CRTC3: variants seen among roughly 807,000 people sequenced by gnomAD.
CRTC3 encodes CREB regulated transcription coactivator 3.
A neutral mutation model predicts 74.5 loss-of-function variants in CRTC3; 26 were observed. That is an observed-to-expected ratio of 0.35 (90% CI 0.26 to 0.48). The LOEUF (loss-of-function observed/expected upper bound fraction) is 0.48. Ranked by LOEUF, CRTC3 falls within the 20% of genes least tolerant of loss-of-function variation. CRTC3 has a pLI of 0.99. For missense variants in CRTC3, 760 were observed against 787.3 expected (o/e 0.97, Z 0.41); for synonymous variants, 377 against 325.8 (o/e 1.16, Z -1.69).
intron 2 of CRTC3, among the ~76,000 whole-genome samples, chr15:90,566,069 TA>T (rs1467908489): frequency 1.3e-5 from 2 of 152,198 alleles, no homozygotes; most frequent in African/African-American, 4.8e-5. Context: ...GAAACAGCCT[TA>T]TTTGCTCATA....
chr15:90,548,212 C>T (rs913149047), intron 2 of CRTC3, among the ~76,000 whole-genome samples: 2 of 152,160 alleles, frequency 1.3e-5, no homozygotes, highest in Non-Finnish European at 2.9e-5. Context: ...ATAACCTACC[C>T]TAGTCCTTTC....
chr15:90,602,240 T>A, intron 3 of CRTC3, 84 bp from the exon 4 acceptor site: 1 of 810,444 alleles, frequency 1.2e-6, no homozygotes, highest in South Asian at 1.5e-5. Context: ...AAAAACTCAG[T>A]TGTTTAACTC....
chr15:90,573,267 A>G (rs1967320037), intron 2 of CRTC3, among the ~76,000 whole-genome samples: 1 of 152,214 alleles, frequency 6.6e-6, no homozygotes, highest in Admixed American at 6.5e-5. Context: ...CAGGAGGTGG[A>G]CATCATTGTG....
At chr15:90,598,456 A>C in intron 3 of CRTC3, 1 of 702,982 alleles carries the variant, frequency 1.4e-6, no homozygotes, top group South Asian at 1.5e-5. Flanking sequence ...ACAGGTTGAG[A>C]GGAACAGCAG....
At chr15:90,563,383 G>A (rs541480133) in intron 2 of CRTC3, among the ~76,000 whole-genome samples, 1 of 152,094 alleles carries the variant, frequency 6.6e-6, no homozygotes, top group African/African-American at 2.4e-5. Flanking sequence ...TCTAGCCTGG[G>A]CAACAGAGTG....
Position 90,530,339 on chromosome 15 carries a change from G to A in CRTC3, c.132+136G>A. 1 of 374,804 alleles carries A rather than the reference G, an allele frequency of 2.7e-6. No individual in the cohort carries two copies. The highest frequency in any genetic ancestry group is 1.0e-4 in the South Asian group (1 of 9,572). The allele number at this position is 374,804 out of a possible 1,614,324, so 23.2% of individuals were successfully genotyped here. On this transcript the variant is annotated intron_variant, in intron 1 of 14. Transcript: ENST00000268184. The surrounding 1 kb of genome is among the most constrained non-coding windows in gnomAD (Gnocchi z 6.2). ...GCCCGGGAACCGGCGGCTGGGAGGG[G>A]GACCGGAGCGGCCGCGGCCTCGGCG...
At chr15:90,640,872 C>CCA (rs1969413489) in intron 13 of CRTC3, among the ~76,000 whole-genome samples, 1 of 152,088 alleles carries the variant, frequency 6.6e-6, no homozygotes, top group South Asian at 2.1e-4. Flanking sequence ...GGAAAAGTCA[C>CCA]CACGCTGTGG....
chr15:90,626,049 C>G, intron 10 of CRTC3, 56 bp downstream of exon 10: 1 of 1,318,956 alleles, frequency 7.6e-7, no homozygotes, highest in Non-Finnish European at 1.1e-6. Context: ...TGGTCCCCAC[C>G]CATGTGGCCT....
At chr15:90,629,807 T>G (rs975353998) in intron 11 of CRTC3, among the ~76,000 whole-genome samples, 1 of 152,186 alleles carries the variant, frequency 6.6e-6, no homozygotes, top group Non-Finnish European at 1.5e-5. Flanking sequence ...CACTGCAGCC[T>G]CACCTCCCGG....
At chr15:90,579,776 G>A (rs1254233849) in intron 2 of CRTC3, among the ~76,000 whole-genome samples, 1 of 151,318 alleles carries the variant, frequency 6.6e-6, no homozygotes, top group African/African-American at 2.4e-5. Flanking sequence ...CCAGTAGCTG[G>A]GAGCACAGGC....
intron 5 of CRTC3, among the ~76,000 whole-genome samples, chr15:90,605,848 A>C (rs1968204140): frequency 6.6e-6 from 1 of 152,238 alleles, no homozygotes; most frequent in African/African-American, 2.4e-5. Context: ...ATAAATAGAT[A>C]ATCATCTCTT....
At chr15:90,637,387 C>T (rs1273355372) in intron 11 of CRTC3, among the ~76,000 whole-genome samples, 2 of 152,060 alleles carry the variant, frequency 1.3e-5, no homozygotes, top group African/African-American at 4.8e-5. Context: ...GGGAACATCA[C>T]ACACCGGGGC....
intron 3 of CRTC3, among the ~76,000 whole-genome samples, chr15:90,597,322 G>A (rs1967952347): frequency 6.6e-6 from 1 of 152,102 alleles, no homozygotes; most frequent in South Asian, 2.1e-4. Context: ...TAAATTTATA[G>A]CAAATAAAAT....
rs181215483 is a variant in CRTC3 at position 90,550,002 on chromosome 15, C to A, written c.231+9865C>A. Among the ~76,000 whole-genome samples the A allele has an allele frequency of 9.2e-5, 14 of 151,474 alleles. No homozygotes were observed. The East Asian group carries it at 2.8e-3, about 30-fold the overall frequency. On this transcript the variant is annotated intron_variant, in intron 2 of 14. Coordinates refer to ENST00000268184, the MANE Select transcript of CRTC3 (RefSeq NM_022769.5). ...TACAGGCGTGAGCCACCACACCTGGCCCCATTCACTTCTTTTAAAAAAGTT... is the reference window on the plus strand; with the variant it reads ...TACAGGCGTGAGCCACCACACCTGGACCCATTCACTTCTTTTAAAAAAGTT...
rs1249330800 is a variant in CRTC3 at position 90,645,259 on chromosome 15, A to G, written c.*3119A>G. Reference sequence around the variant, plus strand: ...CTGTTCAACCATATTTAAAAATTGGAATTTGTATAAAGTTGCTTCCAAGTT... The same window carrying G: ...CTGTTCAACCATATTTAAAAATTGGGATTTGTATAAAGTTGCTTCCAAGTT... On this transcript the variant is annotated 3_prime_UTR_variant, in exon 15 of 15. Transcript: ENST00000268184. 8.9e-6 allele frequency: 2 copies of G among 224,246 alleles called. No individual in the cohort carries two copies. The highest frequency in any genetic ancestry group is 1.8e-4 in the South Asian group (1 of 5,446). The allele number at this position is 224,246 out of a possible 1,614,324, so 13.9% of individuals were successfully genotyped here.
chr15:90,584,814 CA>C lies in CRTC3; in HGVS notation c.232-8821del, dbSNP rs1243207945. Among the ~76,000 whole-genome samples, 26 of 152,196 alleles carry C rather than the reference CA, an allele frequency of 1.7e-4. 1 individual carries two copies. The highest frequency in any genetic ancestry group is 3.4e-3 in the Middle Eastern group (1 of 294). Reference sequence around the variant, plus strand: ...CTCTACTACCAGCTACGTTTCCAACCAGTCTCCTCTCCTACCCAAGCTCTGT... The same window carrying C: ...CTCTACTACCAGCTACGTTTCCAACCGTCTCCTCTCCTACCCAAGCTCTGT... On this transcript the variant is annotated intron_variant, in intron 2 of 14. Coordinates refer to ENST00000268184, the MANE Select transcript of CRTC3 (RefSeq NM_022769.5).
chr15:90,531,950 T>C (rs567314325), intron 1 of CRTC3, among the ~76,000 whole-genome samples: 1 of 152,306 alleles, frequency 6.6e-6, no homozygotes, highest in Non-Finnish European at 1.5e-5. Context: ...ACTGTTTACT[T>C]ACTTTCAAGT....
chr15:90,639,338 G>T (rs1369886498), intron 13 of CRTC3, among the ~76,000 whole-genome samples: 1 of 151,734 alleles, frequency 6.6e-6, no homozygotes, highest in Non-Finnish European at 1.5e-5. Context: ...TCCTAACATT[G>T]ACTATTTTTA....
intron 2 of CRTC3, among the ~76,000 whole-genome samples, chr15:90,574,654 A>G (rs1439016013): frequency 1.3e-5 from 2 of 152,194 alleles, no homozygotes; most frequent in Admixed American, 6.5e-5. Flanking sequence ...GAAGTTGTAC[A>G]TTCCTCTCTG....
Sources: gnomAD v4.1 joint callset for allele counts (sites outside exome capture counted in the v4.1 genomes callset) on GRCh38, gnomAD v4.1.1 for gene constraint, Gnocchi (gnomAD v3.1) non-coding constraint, MANE v1.5 for transcripts, NCBI Gene and HGNC (gene_info 2026-07-23, HGNC 2026-07-21) for gene names.